The following ESYT1 variants were observed in gnomAD, a reference collection of about 807,000 sequenced individuals.
ESYT1 encodes extended synaptotagmin-1.
Under a neutral mutation model 154.2 loss-of-function variants are expected in ESYT1, and 116 were observed. That is an observed-to-expected ratio of 0.75 (90% CI 0.65 to 0.88). The LOEUF is 0.88. Among genes scored for constraint, ESYT1 ranks in the 40% least tolerant of loss-of-function variants. ESYT1 has a pLI of 0.00. For synonymous variants in ESYT1, 500 were observed against 539.9 expected, an observed-to-expected ratio of 0.93 and a Z score of 1.02; for missense variants, 1,264 against 1,379.3, an observed-to-expected ratio of 0.92 and a Z score of 1.32.
chr12:56,142,932 C>T lies in ESYT1; in HGVS notation c.2986C>T (p.Arg996Trp), dbSNP rs748196069. 7 of 1,613,984 alleles carry T rather than the reference C, an allele frequency of 4.3e-6. No individual in the cohort carries two copies. Among genetic ancestry groups the T allele is most frequent in the Admixed American group, 3.3e-5 (2 of 60,000 alleles). Residue 996 changes from arginine (R) to tryptophan (W), a missense_variant and splice_region_variant, in exon 27 of 31, where the codon CGG becomes TGG. Transcript: ENST00000394048. The surrounding 1 kb of genome is among the most constrained non-coding windows in gnomAD (Gnocchi z 4.1). ...RKLVSIVHGC[R>W]SLRQNGRDPP... ...GCTGGTCAGCATTGTTCATGGTTGCCGGTGAGACCCCATCCCTCCTGTCCT... is the reference window on the plus strand; with the variant it reads ...GCTGGTCAGCATTGTTCATGGTTGCTGGTGAGACCCCATCCCTCCTGTCCT...
Position 56,134,723 on chromosome 12 carries a change from C to T in ESYT1, c.1632+295C>T, listed in dbSNP as rs576451078. On this transcript the variant is annotated intron_variant, in intron 15 of 30. Transcript: ENST00000394048. ...AAGCAATTCTCCTGCCTCAGCCTCC[C>T]GAGTAGCTGGGATTACAGGCAGGCA... 1.6e-4 allele frequency among the ~76,000 whole-genome samples: 24 copies of T among 151,928 alleles called. No homozygotes were observed. The East Asian group carries it at 3.5e-3, about 22-fold the overall frequency.
chr12:56,128,552 T>C lies in ESYT1; in HGVS notation c.233T>C (p.Val78Ala), dbSNP rs1377675034. Residue 78 changes from valine to alanine, a missense_variant, in exon 1 of 31, where the codon GTG (valine) becomes GCG (alanine). Transcript: ENST00000394048. ...TTGGCCGGGGCAGTGGGACTCAGCG[T>C]GGGTTTCGTGCTCTTCGGCCTCGCC... ...VYLAGAVGLSVGFVLFGLALY... is the reference protein window; with the variant it reads ...VYLAGAVGLSAGFVLFGLALY... 2 of 1,613,652 alleles carry C rather than the reference T, an allele frequency of 1.2e-6. No homozygotes were observed. The highest frequency in any genetic ancestry group is 2.2e-5 in the South Asian group (2 of 90,958).
Position 56,137,864 on chromosome 12 carries a change from AGAGGTT to A in ESYT1, c.2151_2156del (p.Glu719_Val720del). ...TCACATCAGTTCCAGGCCAAGAGCT[AGAGGTT>A]GAAGTCTTTGACAAGGACTTGGACA... On this transcript the variant is annotated inframe_deletion, in exon 19 of 31. Transcript: ENST00000394048. 1 of 1,614,208 alleles carries A rather than the reference AGAGGTT, an allele frequency of 6.2e-7. No individual in the cohort carries two copies. Among genetic ancestry groups the A allele is most frequent in the Non-Finnish European group, 8.5e-7 (1 of 1,180,038 alleles).
intron 1 of ESYT1, among the ~76,000 whole-genome samples, chr12:56,130,147 G>A (rs965556682): frequency 2.6e-5 from 4 of 152,096 alleles, no homozygotes; most frequent in African/African-American, 7.2e-5. Flanking sequence ...TCCTGACCTC[G>A]TGATCCGCCG....
Position 56,143,403 on chromosome 12 carries a change from G to A in ESYT1, c.3225+70G>A. ...CTGGCACCAAGGTTATAGTCCCTGT[G>A]AGGAAGGAAGTACCCCACGTGATCC... is the stretch of plus-strand genomic sequence containing the variant. On this transcript the variant is annotated intron_variant, in intron 29 of 30. Transcript: ENST00000394048. 3.2e-6 allele frequency: 5 copies of A among 1,541,462 alleles called. No homozygotes were observed. The South Asian group carries it at 4.5e-5, about 14-fold the overall frequency.
In ESYT1 at chr12:56,139,989, C is replaced by T. The variant is rs370174916; in HGVS notation, c.2592+976C>T. 3.9e-5 allele frequency among the ~76,000 whole-genome samples: 6 copies of T among 152,066 alleles called. No homozygotes were observed. In the East Asian group the frequency reaches 9.7e-4, roughly 25 times the overall value. ...CAACTCTTGGGCTCTAGCAATCCTC[C>T]TACCTCAGCTGGGATAACAGGTGCA... On this transcript the variant is annotated intron_variant, in intron 24 of 30. Coordinates refer to ENST00000394048, the MANE Select transcript of ESYT1 (RefSeq NM_015292.3).
chr12:56,138,782 C>A lies in ESYT1; in HGVS notation c.2448C>A (p.Thr816=), dbSNP rs138748028. 2 of 1,614,168 alleles carry A rather than the reference C, an allele frequency of 1.2e-6. No individual in the cohort carries two copies. The highest frequency in any genetic ancestry group is 4.5e-5 in the East Asian group (2 of 44,884). ...TGTCTTTCTAGCTGCGAAAAGGCAC[C>A]AAGCACCTCAGCCCTTATGCTACTC... ...RAEDLPLRKG[T]KHLSPYATLT... is the part of the protein sequence containing the mutation. The change falls in exon 23 of 31, where the codon ACC becomes ACA. Residue 816 remains threonine, a synonymous_variant. Coordinates refer to ENST00000394048, the MANE Select transcript of ESYT1 (RefSeq NM_015292.3).
chr12:56,133,510 G>C, intron 11 of ESYT1, 45 bp downstream of exon 11: 2 of 1,613,874 alleles, frequency 1.2e-6, no homozygotes, highest in Non-Finnish European at 1.7e-6. Context: ...TCACCCTTTG[G>C]GTAGATAGTA....
At chr12:56,139,723 G>A (rs528559502) in intron 24 of ESYT1, among the ~76,000 whole-genome samples, 103 of 151,302 alleles carry the variant, frequency 6.8e-4, no homozygotes, top group African/African-American at 2.5e-3. Flanking sequence ...AGCCTCCCGC[G>A]TACCTGGGAT....
rs767921936 is a variant in ESYT1, at chr12:56,131,233, C to T, written c.642-11C>T. 6 of 1,614,202 alleles carry T rather than the reference C, an allele frequency of 3.7e-6. No individual in the cohort carries two copies. The highest frequency in any genetic ancestry group is 5.1e-6 in the Non-Finnish European group (6 of 1,180,020). ...CTAACTCTCTTGGTTCTCTTCTTCA[C>T]CAATCCCCAGCTATGTAGGTGATGT... On this transcript the variant is annotated splice_polypyrimidine_tract_variant and intron_variant, in intron 4 of 30. Coordinates refer to ENST00000394048, the MANE Select transcript of ESYT1 (RefSeq NM_015292.3).
chr12:56,141,178 C>G (rs1375246995), intron 24 of ESYT1, among the ~76,000 whole-genome samples: 1 of 152,032 alleles, frequency 6.6e-6, no homozygotes, highest in Admixed American at 6.6e-5. Flanking sequence ...ACCACTGTGC[C>G]CGGCTGAAAT....
intron 13 of ESYT1, 42 bp downstream of exon 13, chr12:56,133,915 C>G (rs954963677): frequency 1.3e-6 from 2 of 1,595,784 alleles, no homozygotes; most frequent in Non-Finnish European, 1.7e-6. Context: ...ATGTAACATT[C>G]CCCAACCCTG....
At position 56,137,256 on chromosome 12, in the gene ESYT1, G is replaced by A. The variant is rs61733171; in HGVS notation, c.1821G>A (p.Thr607=). 20 of 1,614,084 alleles carry A rather than the reference G, an allele frequency of 1.2e-5. No homozygotes were observed. Among genetic ancestry groups the A allele is most frequent in the South Asian group, 5.5e-5 (5 of 91,074 alleles). The change falls in exon 17 of 31, where the codon ACG becomes ACA. Residue 607 remains threonine, a synonymous_variant. Coordinates refer to ENST00000394048, the MANE Select transcript of ESYT1 (RefSeq NM_015292.3). ...YLDSSEICFP[T]VPGCPGAWDV... is the part of the protein sequence containing the mutation. The stretch of plus-strand genomic sequence containing the variant: ...ATTCATCAGAAATATGCTTCCCCAC[G>A]GTGCCTGGTTGTCCTGGTGCTTGGG...
intron 10 of ESYT1, 92 bp from the exon 11 acceptor site, chr12:56,133,325 C>T (rs1870317556): frequency 7.3e-7 from 1 of 1,374,314 alleles, no homozygotes; most frequent in African/African-American, 1.4e-5. Context: ...CCAGTCATTT[C>T]TGGGTGGGTG....
chr12:56,130,290 CT>C, intron 1 of ESYT1: 1 of 511,676 alleles, frequency 2.0e-6, no homozygotes, highest in Non-Finnish European at 3.5e-6. Flanking sequence ...AGAATGCGCC[CT>C]TCTCCTCCTC....
At chr12:56,141,566 C>T (rs1321847196) in intron 24 of ESYT1, among the ~76,000 whole-genome samples, 2 of 152,130 alleles carry the variant, frequency 1.3e-5, no homozygotes, top group Non-Finnish European at 2.9e-5. Context: ...CGGTGAAACC[C>T]TGTCTCTATT....
chr12:56,131,373 A>C, intron 5 of ESYT1, 57 bp downstream of exon 5: 1 of 1,611,062 alleles, frequency 6.2e-7, no homozygotes. Flanking sequence ...GTTTCATGGG[A>C]TATGGGGAAG....
chr12:56,135,516 G>C (rs1870414353), intron 15 of ESYT1, among the ~76,000 whole-genome samples: 1 of 151,898 alleles, frequency 6.6e-6, no homozygotes, highest in Non-Finnish European at 1.5e-5. Flanking sequence ...ACAAAACATA[G>C]TATCTGCCTT....
chr12:56,141,505 C>T (rs1018707957), intron 24 of ESYT1, among the ~76,000 whole-genome samples: 1 of 152,064 alleles, frequency 6.6e-6, no homozygotes, highest in East Asian at 1.9e-4. Flanking sequence ...CTTTGGGAGG[C>T]CAAGGCGGGC....
Sources: allele counts gnomAD v4.1 joint callset (sites outside exome capture counted in the v4.1 genomes callset), GRCh38; gene constraint gnomAD v4.1.1; non-coding constraint Gnocchi (gnomAD v3.1); transcripts MANE v1.5; gene names NCBI Gene and HGNC (gene_info 2026-07-23, HGNC 2026-07-21).